The following YES1 variants were observed in gnomAD, a reference collection of about 807,000 sequenced individuals.
YES1 encodes the protein YES proto-oncogene 1, Src family tyrosine kinase.
YES1 carries 39 observed loss-of-function variants against 70.4 expected under a neutral mutation model. That is an observed-to-expected ratio of 0.55 (90% CI 0.43 to 0.72). YES1 has a LOEUF of 0.72. Among genes scored for constraint, YES1 ranks in the 30% least tolerant of loss-of-function variants. The pLI is 0.00. For missense variants in YES1, 495 were observed against 644.8 expected, an observed-to-expected ratio of 0.77 and a Z score of 2.52; for synonymous variants, 198 against 218.6, an observed-to-expected ratio of 0.91 and a Z score of 0.83.
chr18:770,453 C>T (rs1905102248), intron 1 of YES1, among the ~76,000 whole-genome samples: 1 of 152,016 alleles, frequency 6.6e-6, no homozygotes, highest in African/African-American at 2.4e-5. Flanking sequence ...AGTTTTACTC[C>T]ATGTATGTTC....
rs558716934 is a variant in YES1 at position 740,798 on chromosome 18, C to T, written c.1061-987G>A. Among the ~76,000 whole-genome samples the T allele has an allele frequency of 1.1e-4, 16 of 152,328 alleles. 1 individual carries two copies. Among genetic ancestry groups the T allele is most frequent in the Admixed American group, 7.2e-4 (11 of 15,304 alleles). On this transcript the variant is annotated intron_variant, in intron 8 of 11. Coordinates refer to ENST00000314574, the MANE Select transcript of YES1 (RefSeq NM_005433.4). ...TGACAACACAGAATTTTACCATGTT[C>T]TCCCAATTAAATAATTCTTAAAATT...
At chr18:748,386 G>A (rs2080305254) in intron 3 of YES1, among the ~76,000 whole-genome samples, 1 of 147,584 alleles carries the variant, frequency 6.8e-6, no homozygotes, top group Non-Finnish European at 1.5e-5. Flanking sequence ...AAGCTTTAAG[G>A]TGTAATTTGC....
intron 1 of YES1, among the ~76,000 whole-genome samples, chr18:783,903 C>T (rs1043538918): frequency 3.9e-5 from 6 of 152,100 alleles, no homozygotes; most frequent in Admixed American, 2.6e-4. Flanking sequence ...TGTGAACCAC[C>T]GCACCTAGCT....
At chr18:772,075 C>T (rs1319085282) in intron 1 of YES1, among the ~76,000 whole-genome samples, 1 of 152,052 alleles carries the variant, frequency 6.6e-6, no homozygotes, top group East Asian at 1.9e-4. Context: ...GTTGCCCAGG[C>T]TGGAGTGCAA....
rs11664027 is a variant in YES1, at chr18:807,367, T to G, written c.-9+4747A>C. Among the ~76,000 whole-genome samples the G allele has an allele frequency of 4.6e-3, 678 of 147,996 alleles. 4 individuals are homozygous for G. The highest frequency in any genetic ancestry group is 0.016 in the African/African-American group (646 of 40,504). On this transcript the variant is annotated intron_variant, in intron 1 of 11. Coordinates refer to ENST00000314574, the MANE Select transcript of YES1 (RefSeq NM_005433.4). ...AAAAAAAATTAGCCAGGCATGGTGGTGCACACCTGTGGTCCGAGCTACTCA... is the reference window on the plus strand; with the variant it reads ...AAAAAAAATTAGCCAGGCATGGTGGGGCACACCTGTGGTCCGAGCTACTCA...
At chr18:735,707 A>G (rs1423360274) in intron 10 of YES1, 1 of 152,256 alleles carries the variant, frequency 6.6e-6, no homozygotes, top group East Asian at 1.9e-4. Flanking sequence ...CAACAGAGTG[A>G]GACTCCGTCT....
chr18:760,468 TA>T (rs1034181802), intron 1 of YES1, among the ~76,000 whole-genome samples: 2 of 151,576 alleles, frequency 1.3e-5, no homozygotes, highest in Admixed American at 1.3e-4. Context: ...AGATTCTGTC[TA>T]AAAAAAACAA....
chr18:789,451 T>C (rs115313702), intron 1 of YES1, among the ~76,000 whole-genome samples: 1,564 of 152,090 alleles, frequency 0.01, 23 homozygotes, highest in African/African-American at 0.034. Flanking sequence ...AGTGTGGTAG[T>C]ACAGGCCTGT....
chr18:765,697 C>A (rs1017915001), intron 1 of YES1, among the ~76,000 whole-genome samples: 5 of 152,092 alleles, frequency 3.3e-5, no homozygotes, highest in Non-Finnish European at 7.4e-5. Flanking sequence ...CGCACCCGGC[C>A]AATTTAACAC....
intron 2 of YES1, among the ~76,000 whole-genome samples, chr18:752,621 C>T (rs2080356184): frequency 6.6e-6 from 1 of 152,076 alleles, no homozygotes; most frequent in African/African-American, 2.4e-5. Flanking sequence ...ATATTTAACA[C>T]TTAAAGATAA....
At chr18:731,831 G>C (rs1238736257) in intron 11 of YES1, among the ~76,000 whole-genome samples, 2 of 151,990 alleles carry the variant, frequency 1.3e-5, no homozygotes, top group Non-Finnish European at 2.9e-5. Flanking sequence ...GCTGGGCGTG[G>C]TGGCGGGTGC....
rs780808894 is a variant in YES1, at chr18:736,983, AAC to A, written c.1138-24_1138-23del. Reference sequence around the variant, plus strand: ...CAATCTTGGAAAGAGAAAAACAAAAAACACAAGACATACGATACAAAGGGAAG... The same window carrying A: ...CAATCTTGGAAAGAGAAAAACAAAAAACAAGACATACGATACAAAGGGAAG... On this transcript the variant is annotated intron_variant, in intron 9 of 11. Transcript: ENST00000314574. 1.9e-6 allele frequency: 3 copies of A among 1,588,084 alleles called. No homozygotes were observed. The East Asian group carries it at 6.7e-5, about 36-fold the overall frequency.
chr18:777,030 G>T (rs535839727), intron 1 of YES1, among the ~76,000 whole-genome samples: 2 of 152,226 alleles, frequency 1.3e-5, no homozygotes, highest in East Asian at 3.9e-4. Context: ...AAAATCAGGG[G>T]GCAATTATTA....
intron 1 of YES1, among the ~76,000 whole-genome samples, chr18:785,964 C>G (rs11664589): frequency 0.36 from 54,301 of 151,886 alleles, 10,560 homozygotes; most frequent in African/African-American, 0.5. Flanking sequence ...CTCTCCCTCA[C>G]TCTAACCCTC....
intron 1 of YES1, among the ~76,000 whole-genome samples, chr18:788,516 C>T (rs1906079061): frequency 6.6e-6 from 1 of 152,054 alleles, no homozygotes; most frequent in Non-Finnish European, 1.5e-5. Flanking sequence ...TTAGCACATA[C>T]ACGTATGGAA....
At chr18:764,568 T>A (rs1904770760) in intron 1 of YES1, among the ~76,000 whole-genome samples, 1 of 151,966 alleles carries the variant, frequency 6.6e-6, no homozygotes, top group Non-Finnish European at 1.5e-5. Flanking sequence ...ATAATTAAGG[T>A]AGAGGACAGA....
chr18:771,420 T>C (rs11877582), intron 1 of YES1, among the ~76,000 whole-genome samples: 3,535 of 152,262 alleles, frequency 0.023, 146 homozygotes, highest in African/African-American at 0.08. Flanking sequence ...TTAAATGAAC[T>C]TGTGTTTAAC....
intron 1 of YES1, among the ~76,000 whole-genome samples, chr18:776,594 T>C (rs188958746): frequency 1.3e-5 from 2 of 152,290 alleles, no homozygotes; most frequent in East Asian, 3.9e-4. Flanking sequence ...TAGGATTTAG[T>C]GCATTTACTC....
chr18:772,699 TG>T (rs1905214098), intron 1 of YES1, among the ~76,000 whole-genome samples: 1 of 152,218 alleles, frequency 6.6e-6, no homozygotes, highest in South Asian at 2.1e-4. Flanking sequence ...CTCAAAGTGC[TG>T]GGATTACAAG....
Sources: allele counts gnomAD v4.1 joint callset (sites outside exome capture counted in the v4.1 genomes callset), GRCh38; gene constraint gnomAD v4.1.1; transcripts MANE v1.5; gene names NCBI Gene and HGNC (gene_info 2026-07-23, HGNC 2026-07-21).